Variants in CDC14B observed in about 807,000 individuals in gnomAD.
CDC14B encodes dual specificity protein phosphatase CDC14B.
Under a neutral mutation model 64.2 loss-of-function variants are expected in CDC14B, and 22 were observed. That is an observed-to-expected ratio of 0.34 (90% CI 0.24 to 0.49). CDC14B has a LOEUF of 0.49. Ranked by LOEUF, CDC14B falls within the 20% of genes least tolerant of loss-of-function variation. CDC14B has a pLI of 0.99. For missense variants in CDC14B, 498 were observed against 629.9 expected (o/e 0.79, Z 2.24); for synonymous variants, 191 against 215.8 (o/e 0.89, Z 1.01).
chr9:96,510,718 G>C (rs987325403), intron 12 of CDC14B, among the ~76,000 whole-genome samples: 17 of 151,340 alleles, frequency 1.1e-4, no homozygotes, highest in Non-Finnish European at 2.1e-4. Flanking sequence ...CGATCCTCCT[G>C]CCTCAGCCTC....
At chr9:96,590,330 T>A (rs1396235635) in intron 1 of CDC14B, among the ~76,000 whole-genome samples, 1 of 151,972 alleles carries the variant, frequency 6.6e-6, no homozygotes, top group East Asian at 1.9e-4. Flanking sequence ...TTCTTTCTTT[T>A]TTAAAGCTGG....
chr9:96,513,870 A>T (rs1835247477), intron 12 of CDC14B, among the ~76,000 whole-genome samples: 1 of 152,172 alleles, frequency 6.6e-6, no homozygotes, highest in African/African-American at 2.4e-5. Context: ...GGAGCTTTTC[A>T]CTGGAAACAA....
intron 5 of CDC14B, among the ~76,000 whole-genome samples, chr9:96,546,536 G>A (rs1016304038): frequency 4.0e-5 from 6 of 151,572 alleles, no homozygotes; most frequent in African/African-American, 1.2e-4. Context: ...TGCAATCTCC[G>A]CCTCTCAGGT....
At chr9:96,535,381 C>G (rs1314933107) in intron 7 of CDC14B, among the ~76,000 whole-genome samples, 12 of 152,038 alleles carry the variant, frequency 7.9e-5, no homozygotes, top group African/African-American at 2.7e-4. Flanking sequence ...TACAAGTATA[C>G]CAAGATCACA....
rs975221982 is a variant in CDC14B at position 96,571,803 on chromosome 9, A to C, written c.161-6320T>G. 2.0e-5 allele frequency among the ~76,000 whole-genome samples: 3 copies of C among 152,248 alleles called. No homozygotes were observed. The South Asian group carries it at 6.2e-4, about 32-fold the overall frequency. On this transcript the variant is annotated intron_variant, in intron 1 of 13. Transcript: ENST00000375241. ...TTCCTGCTCTCCTTTCCCCAACCCA[A>C]GGCAGGGCTCTAATATGACTGTGAG...
At chr9:96,498,070 T>TG (rs1479216189), downstream of CDC14B, among the ~76,000 whole-genome samples, 1 of 152,244 alleles carries the variant, frequency 6.6e-6, no homozygotes, top group African/African-American at 2.4e-5. Flanking sequence ...TGCAGTGCTC[T>TG]GACAGTAAGA....
chr9:96,616,279 T>C (rs1227180279), intron 1 of CDC14B, among the ~76,000 whole-genome samples: 4 of 151,592 alleles, frequency 2.6e-5, no homozygotes, highest in Middle Eastern at 3.4e-3. Context: ...TGAGCCGAGA[T>C]AGCTCCACCG....
At chr9:96,494,353 GA>G (rs757440731) in intron 13 of CDC14B, among the ~76,000 whole-genome samples, 2 of 152,258 alleles carry the variant, frequency 1.3e-5, no homozygotes, top group Non-Finnish European at 2.9e-5. Context: ...CAGCCACTCT[GA>G]GCCATGTGGC....
At chr9:96,544,984 C>T (rs972507303) in intron 5 of CDC14B, among the ~76,000 whole-genome samples, 6 of 152,156 alleles carry the variant, frequency 3.9e-5, no homozygotes, top group Non-Finnish European at 7.3e-5. Flanking sequence ...AGCACCAGGA[C>T]CACCCCACCT....
chr9:96,494,807 G>C (rs1346026331), intron 13 of CDC14B, among the ~76,000 whole-genome samples: 1 of 95,620 alleles, frequency 1.0e-5, no homozygotes, highest in Non-Finnish European at 1.9e-5. Context: ...GTCCAGTCTC[G>C]TCCCGTCCCA....
Position 96,515,032 on chromosome 9 carries a change from A to T in CDC14B, c.1344-5243T>A. ...CAGGCGACCTCAGCTCCGACCTCCTACTTTCATTTAGCATCAAGTGCTACA... is the reference window on the plus strand; with the variant it reads ...CAGGCGACCTCAGCTCCGACCTCCTTCTTTCATTTAGCATCAAGTGCTACA... On this transcript the variant is annotated intron_variant, in intron 12 of 13. Transcript: ENST00000375241. This position sits in a 1 kb window ranked among gnomAD's most constrained non-coding sequence, Gnocchi z 4.3. 1 of 481,032 alleles carries T rather than the reference A, an allele frequency of 2.1e-6. No homozygotes were observed. Among genetic ancestry groups the T allele is most frequent in the South Asian group, 8.9e-5 (1 of 11,262 alleles). The allele number at this position is 481,032 out of a possible 1,614,324, so 29.8% of individuals were successfully genotyped here.
downstream of CDC14B, chr9:96,496,427 G>C (rs1456979903): frequency 2.2e-6 from 1 of 461,958 alleles, no homozygotes; most frequent in East Asian, 6.7e-5. Context: ...GCCTGTCTCA[G>C]GGCTTGAGTT....
intron 7 of CDC14B, among the ~76,000 whole-genome samples, chr9:96,536,028 T>C (rs2131762063): frequency 6.6e-6 from 1 of 152,368 alleles, no homozygotes; most frequent in African/African-American, 2.4e-5. Flanking sequence ...GATCAGTTGT[T>C]GGCAACAACT....
chr9:96,534,193 A>G (rs1426362809), intron 8 of CDC14B, 36 bp from the exon 9 acceptor site: 3 of 1,313,848 alleles, frequency 2.3e-6, no homozygotes, highest in East Asian at 4.7e-5. Context: ...TATAAAACAC[A>G]TAAAGAAAAC....
At chr9:96,559,052 CAT>C (rs1842836600) in intron 4 of CDC14B, among the ~76,000 whole-genome samples, 2 of 152,228 alleles carry the variant, frequency 1.3e-5, no homozygotes, top group South Asian at 4.1e-4. Flanking sequence ...TTGTAACACA[CAT>C]GACGCCTGAC....
intron 1 of CDC14B, among the ~76,000 whole-genome samples, chr9:96,584,203 G>A (rs568917561): frequency 6.6e-6 from 1 of 152,178 alleles, no homozygotes; most frequent in African/African-American, 2.4e-5. Context: ...ATGAACGACT[G>A]TTGAGTGGCA....
At chr9:96,616,989 C>T (rs1327401380) in intron 1 of CDC14B, among the ~76,000 whole-genome samples, 1 of 152,114 alleles carries the variant, frequency 6.6e-6, no homozygotes, top group African/African-American at 2.4e-5. Context: ...GAAGCCAAGA[C>T]TATCACTGAG....
intron 1 of CDC14B, among the ~76,000 whole-genome samples, chr9:96,588,242 G>A (rs1037611691): frequency 6.6e-6 from 1 of 152,136 alleles, no homozygotes; most frequent in South Asian, 2.1e-4. Flanking sequence ...CAGCAAAGGA[G>A]TGTGCTGCTT....
chr9:96,496,577 A>G (rs887382572), downstream of CDC14B, among the ~76,000 whole-genome samples: 7 of 152,174 alleles, frequency 4.6e-5, no homozygotes, highest in South Asian at 2.1e-4. Flanking sequence ...GCGGCTACTT[A>G]AGGACACGCC....
Sources: gnomAD v4.1 joint callset for allele counts (sites outside exome capture counted in the v4.1 genomes callset) on GRCh38, gnomAD v4.1.1 for gene constraint, Gnocchi (gnomAD v3.1) non-coding constraint, MANE v1.5 for transcripts, NCBI Gene and HGNC (gene_info 2026-07-23, HGNC 2026-07-21) for gene names.